The following GIT2 variants were observed in gnomAD, a reference collection of about 807,000 sequenced individuals.
GIT2 encodes the protein GIT ArfGAP 2.
GIT2 carries 32 observed loss-of-function variants against 100.3 expected under a neutral mutation model. The ratio of observed to expected loss-of-function variants is 0.32; its 90% confidence interval spans 0.24 to 0.43. GIT2 has a LOEUF of 0.43. Among genes scored for constraint, GIT2 ranks in the 20% least tolerant of loss-of-function variants. The probability of loss-of-function intolerance (pLI) is 1.00; values close to 1 mark genes in which losing one functional copy is unlikely to be tolerated. For synonymous variants in GIT2, 353 were observed against 364.1 expected, an observed-to-expected ratio of 0.97 and a Z score of 0.35; for missense variants, 737 against 975.1, an observed-to-expected ratio of 0.76 and a Z score of 3.25.
chr12:109,980,219 T>C (rs1216904043), intron 7 of GIT2, among the ~76,000 whole-genome samples: 2 of 152,010 alleles, frequency 1.3e-5, no homozygotes, highest in Non-Finnish European at 2.9e-5. Flanking sequence ...CACACCACCA[T>C]GCCTGGCTGA....
chr12:109,936,021 A>G (rs901586491), intron 18 of GIT2, among the ~76,000 whole-genome samples: 1 of 152,210 alleles, frequency 6.6e-6, no homozygotes, highest in Non-Finnish European at 1.5e-5. Context: ...GAGGCCCAGG[A>G]GACAAGACCA....
chr12:109,959,716 AAAAC>A (rs1473362531), intron 12 of GIT2, 127 bp downstream of exon 12: 8 of 634,792 alleles, frequency 1.3e-5, no homozygotes, highest in African/African-American at 9.2e-5. Context: ...TTAAAGTAAA[AAAAC>A]AAACAAAAAA....
At chr12:109,977,851 C>T (rs1320219778) in intron 7 of GIT2, among the ~76,000 whole-genome samples, 2 of 152,050 alleles carry the variant, frequency 1.3e-5, no homozygotes, top group African/African-American at 2.4e-5. Flanking sequence ...TCATTTCCTT[C>T]TCATCTCTAT....
In GIT2 at chr12:109,931,944, G is replaced by T. The variant is rs959863558; in HGVS notation, c.*1034C>A. The stretch of plus-strand genomic sequence containing the variant: ...AGGAGAAACTAACTCAGATGACTGC[G>T]ATACGATACATCTTTCCTTATAAGA... On this transcript the variant is annotated 3_prime_UTR_variant, in exon 20 of 20. Transcript: ENST00000355312. The T allele has an allele frequency of 6.6e-6, 1 of 152,142 alleles. No homozygotes were observed. Among genetic ancestry groups the T allele is most frequent in the Admixed American group, 6.6e-5 (1 of 15,262 alleles). 9.4% of individuals were successfully genotyped at this position (152,142 alleles called of 1,614,324 possible).
At chr12:109,944,436 C>T (rs1419834263) in intron 16 of GIT2, among the ~76,000 whole-genome samples, 1 of 152,216 alleles carries the variant, frequency 6.6e-6, no homozygotes, top group Non-Finnish European at 1.5e-5. Context: ...GCCCTTTCCA[C>T]GGCTTTCCCA....
At chr12:109,990,355 C>T (rs1888142094) in intron 2 of GIT2, among the ~76,000 whole-genome samples, 1 of 152,220 alleles carries the variant, frequency 6.6e-6, no homozygotes, top group Non-Finnish European at 1.5e-5. Context: ...CATCTCTGGA[C>T]TTTACTGAGA....
chr12:109,971,023 T>A (rs1883735452), intron 7 of GIT2, among the ~76,000 whole-genome samples: 2 of 152,218 alleles, frequency 1.3e-5, no homozygotes, highest in Admixed American at 6.5e-5. Flanking sequence ...TGGGCTCAAG[T>A]AGTCCTCCCG....
chr12:109,975,072 T>C (rs1884742339), intron 7 of GIT2, among the ~76,000 whole-genome samples: 1 of 152,234 alleles, frequency 6.6e-6, no homozygotes, highest in Non-Finnish European at 1.5e-5. Context: ...CTGATATTAA[T>C]ATAGCCACCC....
At chr12:109,963,721 G>A (rs899653024) in intron 9 of GIT2, among the ~76,000 whole-genome samples, 1 of 152,230 alleles carries the variant, frequency 6.6e-6, no homozygotes, top group African/African-American at 2.4e-5. Flanking sequence ...GGAAGAGAGG[G>A]AGGACAGGAG....
At chr12:109,963,644 A>G (rs752495385) in intron 9 of GIT2, among the ~76,000 whole-genome samples, 1 of 152,228 alleles carries the variant, frequency 6.6e-6, no homozygotes, top group Non-Finnish European at 1.5e-5. Flanking sequence ...AGCCTTTGTT[A>G]TATTTCTCTC....
chr12:109,973,430 C>A (rs1298756561), intron 7 of GIT2, among the ~76,000 whole-genome samples: 1 of 152,116 alleles, frequency 6.6e-6, no homozygotes, highest in East Asian at 1.9e-4. Context: ...CATGAGCCAT[C>A]GCGCCCGGTC....
At chr12:109,989,829 CTT>C (rs746431730) in intron 2 of GIT2, 27 bp from the exon 3 acceptor site, 12 of 1,155,022 alleles carry the variant, frequency 1.0e-5, no homozygotes, top group Non-Finnish European at 6.5e-6. Flanking sequence ...TGACATAAGA[CTT>C]TAATTTCTTT....
intron 16 of GIT2, chr12:109,943,145 C>T (rs2136203589): frequency 6.6e-6 from 1 of 152,320 alleles, no homozygotes; most frequent in East Asian, 1.9e-4. Flanking sequence ...AACTCTGTCT[C>T]AGCAAGCAGT....
intron 16 of GIT2, among the ~76,000 whole-genome samples, chr12:109,941,675 C>T (rs1407851369): frequency 6.6e-6 from 1 of 151,984 alleles, no homozygotes; most frequent in East Asian, 1.9e-4. Context: ...GCATGCACCA[C>T]CATACCGAGC....
At position 109,968,170 on chromosome 12, in the gene GIT2, G is replaced by A. The variant is rs557411775; in HGVS notation, c.719-667C>T. 9.2e-5 allele frequency among the ~76,000 whole-genome samples: 14 copies of A among 152,146 alleles called. 1 individual carries two copies. Among genetic ancestry groups the A allele is most frequent in the African/African-American group, 1.9e-4 (8 of 41,438 alleles). On this transcript the variant is annotated intron_variant, in intron 7 of 19. Coordinates refer to ENST00000355312, the MANE Select transcript of GIT2 (RefSeq NM_057169.5). ...TGCCAGACCTTTTCCCTTGAGTAGC[G>A]CTATCACTTTGTTTTCCAAACAGCA...
intron 13 of GIT2, chr12:109,952,450 GACA>G: frequency 1.9e-6 from 1 of 516,782 alleles, no homozygotes; most frequent in South Asian, 1.4e-5. Context: ...GTCCTCCCCA[GACA>G]TGGCATCCTG....
At chr12:109,976,708 C>T (rs1007320894) in intron 7 of GIT2, among the ~76,000 whole-genome samples, 3 of 151,816 alleles carry the variant, frequency 2.0e-5, no homozygotes, top group African/African-American at 4.8e-5. Flanking sequence ...CCTGCCTCAG[C>T]CTCCTGAGTA....
chr12:109,946,990 T>C (rs910770031), intron 15 of GIT2, among the ~76,000 whole-genome samples: 5 of 152,028 alleles, frequency 3.3e-5, no homozygotes, highest in Admixed American at 6.6e-5. Flanking sequence ...GGTTGAGAAA[T>C]AATCATGGAT....
chr12:109,981,292 C>G (rs528638829), intron 6 of GIT2: 13 of 394,874 alleles, frequency 3.3e-5, no homozygotes, highest in African/African-American at 2.7e-4. Context: ...ATAAGAAATT[C>G]AAAGACTTAT....
Sources: gnomAD v4.1 joint callset for allele counts (sites outside exome capture counted in the v4.1 genomes callset) on GRCh38, gnomAD v4.1.1 for gene constraint, MANE v1.5 for transcripts, NCBI Gene and HGNC (gene_info 2026-07-23, HGNC 2026-07-21) for gene names.